The following KATNB1 variants were observed in gnomAD, a reference collection of about 807,000 sequenced individuals.
KATNB1 encodes the protein katanin p80 WD40 repeat-containing subunit B1.
In KATNB1, 38 loss-of-function variants were observed where a neutral mutation model predicts 82.3. That is an observed-to-expected ratio of 0.46 (90% CI 0.36 to 0.61). KATNB1 has a LOEUF of 0.61. Among genes scored for constraint, KATNB1 ranks in the 20% least tolerant of loss-of-function variants. The pLI is 0.00. For synonymous variants in KATNB1, 361 were observed against 368.7 expected (o/e 0.98, Z 0.24); for missense variants, 749 against 915.7 (o/e 0.82, Z 2.35).
In KATNB1 at chr16:57,753,399, A is replaced by G; in HGVS notation, c.1057A>G (p.Asn353Asp). The change falls in exon 12 of 20, where the codon AAC becomes GAC. Residue 353 changes from asparagine to aspartate, a missense_variant. By Grantham distance (23) the Asn-to-Asp change is conservative. Transcript: ENST00000379661. ...GCCTCACGCTCCCAGGGTGAAGCAG[A>G]ACTCAGAGAGCGAGCGCCGCAGCCC... is the stretch of plus-strand genomic sequence containing the variant. Reference protein sequence around the residue: ...TCSKPQRVKQNSESERRSPSS... With the variant: ...TCSKPQRVKQDSESERRSPSS... 6.2e-7 allele frequency: 1 copy of G among 1,612,452 alleles called. No homozygotes were observed. Among genetic ancestry groups the G allele is most frequent in the East Asian group, 2.2e-5 (1 of 44,864 alleles).
Position 57,756,073 on chromosome 16 carries a change from G to A in KATNB1, c.1718+7G>A, listed in dbSNP as rs781863747. 1.2e-6 allele frequency: 2 copies of A among 1,604,270 alleles called. No individual in the cohort carries two copies. The highest frequency in any genetic ancestry group is 3.3e-5 in the Admixed American group (2 of 60,016). On this transcript the variant is annotated splice_region_variant and intron_variant, in intron 18 of 19. Transcript: ENST00000379661. ...TGCAGAGCAAGTATGAGAGGTGCGT[G>A]TGGGGAAGCCATGCCTGCCTGAAGC...
chr16:57,741,467 C>T (rs550695495), intron 2 of KATNB1, among the ~76,000 whole-genome samples: 1 of 152,214 alleles, frequency 6.6e-6, no homozygotes, highest in Non-Finnish European at 1.5e-5. Flanking sequence ...GAAAGACAGG[C>T]ATGATGAAAG....
rs140071939 is a variant in KATNB1, at chr16:57,755,451, A to C, written c.1523A>C (p.Asn508Thr). 3 of 1,613,280 alleles carry C rather than the reference A, an allele frequency of 1.9e-6. No homozygotes were observed. The highest frequency in any genetic ancestry group is 2.5e-6 in the Non-Finnish European group (3 of 1,180,006). The change falls in exon 16 of 20, where the codon AAC becomes ACC. Residue 508 changes from asparagine (N) to threonine (T), a missense_variant. Asn to Thr is a moderately conservative substitution (Grantham distance 65). Transcript: ENST00000379661. ...GTGGTGCTCACCAGCCGCCACAAGA[A>C]CCTGGACACTGTGCGGGCTGTGTGG... ...MCVVLTSRHKNLDTVRAVWTM... is the reference protein window; with the variant it reads ...MCVVLTSRHKTLDTVRAVWTM...
chr16:57,751,813 G>T lies in KATNB1; in HGVS notation c.516+89G>T, dbSNP rs901665093. 3.5e-5 allele frequency: 50 copies of T among 1,427,560 alleles called. No homozygotes were observed. Among genetic ancestry groups the T allele is most frequent in the Non-Finnish European group, 4.9e-5 (50 of 1,022,118 alleles). The allele number at this position is 1,427,560 out of a possible 1,614,324, so 88.4% of individuals were successfully genotyped here. On this transcript the variant is annotated intron_variant, in intron 7 of 19. Transcript: ENST00000379661. The surrounding 1 kb of genome is among the most constrained non-coding windows in gnomAD (Gnocchi z 6.3). ...GAGTCCTCACCTCCCTCCTGATCGG[G>T]CTCACATGTCCCAAGCCTATCCCGA...
At chr16:57,746,862 G>A (rs2049187428) in intron 4 of KATNB1, among the ~76,000 whole-genome samples, 1 of 152,154 alleles carries the variant, frequency 6.6e-6, no homozygotes, top group Admixed American at 6.5e-5. Flanking sequence ...GTCCAAATAA[G>A]ACCCGTTTGC....
chr16:57,740,598 C>T (rs1346298167), intron 2 of KATNB1, among the ~76,000 whole-genome samples: 3 of 152,210 alleles, frequency 2.0e-5, no homozygotes, highest in Non-Finnish European at 4.4e-5. Context: ...GTGGGGAGAA[C>T]TGTCTTTTTT....
In KATNB1 at chr16:57,751,340, T is replaced by G. The variant is rs2049226039; in HGVS notation, c.432+38T>G. On this transcript the variant is annotated intron_variant, in intron 6 of 19. Transcript: ENST00000379661. This position sits in a 1 kb window ranked among gnomAD's most constrained non-coding sequence, Gnocchi z 6.3. ...TCTGTCGGTGACTCCATGAGCACCT[T>G]GCGGGCATTGAGTGTGGTGTGGTGC... 5 of 1,596,488 alleles carry G rather than the reference T, an allele frequency of 3.1e-6. No individual in the cohort carries two copies. Among genetic ancestry groups the G allele is most frequent in the Non-Finnish European group, 4.3e-6 (5 of 1,164,092 alleles).
intron 2 of KATNB1, among the ~76,000 whole-genome samples, chr16:57,738,771 C>T (rs1597822550): frequency 6.6e-6 from 1 of 152,316 alleles, no homozygotes; most frequent in African/African-American, 2.4e-5. Context: ...ACGTATTCAT[C>T]CCTTCGACAG....
intron 2 of KATNB1, among the ~76,000 whole-genome samples, chr16:57,738,869 G>A (rs2049122719): frequency 6.6e-6 from 1 of 151,928 alleles, no homozygotes; most frequent in South Asian, 2.1e-4. Context: ...AGAGCCTGGG[G>A]AGAGCAACAG....
At chr16:57,741,219 A>G (rs2049139313) in intron 2 of KATNB1, among the ~76,000 whole-genome samples, 1 of 152,244 alleles carries the variant, frequency 6.6e-6, no homozygotes, top group Non-Finnish European at 1.5e-5. Flanking sequence ...TGTACACACA[A>G]GCAGCAGCTG....
rs377544392 is a variant in KATNB1 at position 57,753,327 on chromosome 16, G to T, written c.1046+60G>T. 7.1e-4 allele frequency: 1,121 copies of T among 1,581,020 alleles called. 12 individuals are homozygous for T. The African/African-American group carries it at 0.013, about 18-fold the overall frequency. On this transcript the variant is annotated intron_variant, in intron 11 of 19. Coordinates refer to ENST00000379661, the MANE Select transcript of KATNB1 (RefSeq NM_005886.3). ...AGGGACTGTCACAGGGGAAGCCTCG[G>T]AGTTCCAGCCCTGGGCCTCACAGGG...
intron 4 of KATNB1, among the ~76,000 whole-genome samples, chr16:57,747,631 C>G (rs1597826860): frequency 6.6e-6 from 1 of 152,280 alleles, no homozygotes; most frequent in Admixed American, 6.5e-5. Context: ...CTTGGTGTCG[C>G]TGAACTCAAG....
Position 57,751,380 on chromosome 16 carries a change from G to A in KATNB1, c.432+78G>A. 3 of 1,381,342 alleles carry A rather than the reference G, an allele frequency of 2.2e-6. No homozygotes were observed. Among genetic ancestry groups the A allele is most frequent in the Non-Finnish European group, 2.1e-6 (2 of 968,702 alleles). The allele number at this position is 1,381,342 out of a possible 1,614,324, so 85.6% of individuals were successfully genotyped here. On this transcript the variant is annotated intron_variant, in intron 6 of 19. Coordinates refer to ENST00000379661, the MANE Select transcript of KATNB1 (RefSeq NM_005886.3). This position sits in a 1 kb window ranked among gnomAD's most constrained non-coding sequence, Gnocchi z 6.3. ...TGGTGTGGTGCCCAGACCCCAGCAG[G>A]GGGTGGAGGGGACGGCTGTCCCACA...
At chr16:57,739,537 G>C (rs1242818680) in intron 2 of KATNB1, among the ~76,000 whole-genome samples, 3 of 152,204 alleles carry the variant, frequency 2.0e-5, no homozygotes, top group Non-Finnish European at 4.4e-5. Context: ...TGAAAATCAA[G>C]TATTCGGCCT....
At chr16:57,756,240 G>C in intron 18 of KATNB1, 116 bp from the exon 19 acceptor site, 2 of 1,104,556 alleles carry the variant, frequency 1.8e-6, no homozygotes, top group East Asian at 2.4e-5. Flanking sequence ...GTGTGTGGGT[G>C]TATGTGTGGG....
rs1298256360 is a variant in KATNB1 at position 57,741,837 on chromosome 16, G to A, written c.171+20G>A. The A allele has an allele frequency of 6.2e-6, 10 of 1,607,936 alleles. No homozygotes were observed. The highest frequency in any genetic ancestry group is 2.2e-5 in the East Asian group (1 of 44,626). On this transcript the variant is annotated intron_variant, in intron 3 of 19. Transcript: ENST00000379661. ...ATCATGGTGAGCCCCGACAGCTGGC[G>A]GGGGGTCAGGACAAGGGCCTGGGGA... is the stretch of plus-strand genomic sequence containing the variant.
Position 57,751,971 on chromosome 16 carries a change from C to G in KATNB1, c.548C>G (p.Ser183Cys), listed in dbSNP as rs782450704. Residue 183 changes from serine (S) to cysteine (C), a missense_variant, in exon 8 of 20, where the codon TCT becomes TGT. Physicochemically the swap from Ser to Cys is moderately radical, Grantham distance 112. Around this residue, in one of 3 missense-constraint regions of KATNB1, gnomAD observed 247 missense variants for 349.4 expected, o/e 0.71. Coordinates refer to ENST00000379661, the MANE Select transcript of KATNB1 (RefSeq NM_005886.3). This position sits in a 1 kb window ranked among gnomAD's most constrained non-coding sequence, Gnocchi z 6.3. Reference sequence around the variant, plus strand: ...GATCTCACTGCCGGCAAGATGATGTCTGAGTTCCCTGGTCACACGGGGCCT... The same window carrying G: ...GATCTCACTGCCGGCAAGATGATGTGTGAGTTCCCTGGTCACACGGGGCCT... ...LWDLTAGKMM[S>C]EFPGHTGPVN... 3 of 1,613,794 alleles carry G rather than the reference C, an allele frequency of 1.9e-6. No individual in the cohort carries two copies. Among genetic ancestry groups the G allele is most frequent in the African/African-American group, 2.7e-5 (2 of 74,920 alleles).
chr16:57,751,911 C>A lies in KATNB1; in HGVS notation c.517-29C>A. 6.4e-7 allele frequency: 1 copy of A among 1,573,104 alleles called. No individual in the cohort carries two copies. Among genetic ancestry groups the A allele is most frequent in the Non-Finnish European group, 8.7e-7 (1 of 1,144,540 alleles). ...GGTGGGCAGCCAAGATGCCTGGTCACCCTGACCTCCTCCCTGCCCTGCCTC... is the reference window on the plus strand; with the variant it reads ...GGTGGGCAGCCAAGATGCCTGGTCAACCTGACCTCCTCCCTGCCCTGCCTC... On this transcript the variant is annotated intron_variant, in intron 7 of 19. Coordinates refer to ENST00000379661, the MANE Select transcript of KATNB1 (RefSeq NM_005886.3). The surrounding 1 kb of genome is among the most constrained non-coding windows in gnomAD (Gnocchi z 6.3).
rs2049301454 is a variant in KATNB1, at chr16:57,757,221, A to G, written c.*275A>G. The G allele has an allele frequency of 1.2e-5, 4 of 329,340 alleles. No homozygotes were observed. In the East Asian group the frequency reaches 1.9e-4, roughly 16 times the overall value. The allele number at this position is 329,340 out of a possible 1,614,324, so 20.4% of individuals were successfully genotyped here. ...GGCTGCTGCTGTAATTTATAAGGCA[A>G]ATTTTATTAAATTTGTAACTATTCC... is the stretch of plus-strand genomic sequence containing the variant. On this transcript the variant is annotated 3_prime_UTR_variant, in exon 20 of 20. Coordinates refer to ENST00000379661, the MANE Select transcript of KATNB1 (RefSeq NM_005886.3).
Sources: allele counts gnomAD v4.1 joint callset (sites outside exome capture counted in the v4.1 genomes callset), GRCh38; gene constraint gnomAD v4.1.1; regional missense constraint gnomAD v4.1.1; non-coding constraint Gnocchi (gnomAD v3.1); transcripts MANE v1.5; gene names NCBI Gene and HGNC (gene_info 2026-07-23, HGNC 2026-07-21).